Variants in POTEF observed in about 807,000 individuals in gnomAD.
POTEF encodes the protein ANKRD26-like family C member 1B.
A neutral mutation model predicts 83.2 loss-of-function variants in POTEF; 20 were observed. That is an observed-to-expected ratio of 0.24 (90% CI 0.17 to 0.35). The LOEUF is 0.35. Ranked by LOEUF, POTEF falls within the 10% of genes least tolerant of loss-of-function variation. POTEF has a pLI of 1.00. For synonymous variants in POTEF, 196 were observed against 446.4 expected, an observed-to-expected ratio of 0.44 and a Z score of 7.07; for missense variants, 550 against 1,203.2, an observed-to-expected ratio of 0.46 and a Z score of 8.03.
intron 5 of POTEF, among the ~76,000 whole-genome samples, chr2:130,113,033 T>G (rs541799453): frequency 6.6e-6 from 1 of 150,658 alleles, no homozygotes; most frequent in African/African-American, 2.5e-5. Flanking sequence ...TATTATTCTG[T>G]AAGCTGATAC....
intron 3 of POTEF, among the ~76,000 whole-genome samples, chr2:130,115,621 TCA>T (rs1491373635): frequency 6.6e-6 from 1 of 152,182 alleles, no homozygotes; most frequent in Admixed American, 6.5e-5. Context: ...TTTTGGGGTC[TCA>T]GTTTCCTCAT....
intron 8 of POTEF, among the ~76,000 whole-genome samples, chr2:130,106,094 T>C (rs923918614): frequency 1.3e-5 from 2 of 150,926 alleles, no homozygotes; most frequent in Non-Finnish European, 2.9e-5. Flanking sequence ...GAACAAGATG[T>C]TTGGAGCTGC....
intron 1 of POTEF, among the ~76,000 whole-genome samples, chr2:130,128,266 T>C (rs897749008): frequency 6.6e-6 from 1 of 150,684 alleles, no homozygotes; most frequent in African/African-American, 2.5e-5. Flanking sequence ...GAGCATGGGG[T>C]GTGGGCGGGA....
At chr2:130,104,383 T>C (rs2104805103) in intron 8 of POTEF, among the ~76,000 whole-genome samples, 1 of 145,940 alleles carries the variant, frequency 6.9e-6, no homozygotes, top group East Asian at 2.0e-4. Context: ...ATTCTAACTA[T>C]AATCCTGGTA....
At chr2:130,127,324 C>CA (rs57173649) in intron 2 of POTEF, among the ~76,000 whole-genome samples, 2,804 of 12,444 alleles carry the variant, frequency 0.23, 1,146 homozygotes, top group East Asian at 0.32. Flanking sequence ...GACTCTGTCT[C>CA]AAAAAAAAAA....
In POTEF at chr2:130,120,116, G is replaced by C. The variant is rs1270385869; in HGVS notation, c.400C>G (p.His134Asp). 2 of 1,607,824 alleles carry C rather than the reference G, an allele frequency of 1.2e-6. No homozygotes were observed. The highest frequency in any genetic ancestry group is 1.7e-6 in the Non-Finnish European group (2 of 1,179,280). Residue 134 changes from histidine (H) to aspartate (D), a missense_variant, in exon 3 of 17, where the codon CAC becomes GAC. Physicochemically the swap from His to Asp is moderately conservative, Grantham distance 81 (BLOSUM62 -1). Transcript: ENST00000409914. ...DDSAFMEPRY[H>D]VRGEDLDKLH... ...TTGTCCAGATCTTCTCCACGGACGT[G>C]GTACCTGGGCTCCATGAAGGCACTG...
chr2:130,121,551 C>T (rs1168287452), intron 2 of POTEF, among the ~76,000 whole-genome samples: 2 of 68,418 alleles, frequency 2.9e-5, no homozygotes, highest in Non-Finnish European at 5.6e-5. Context: ...CTCTTTGCTC[C>T]GCACCCAGAA....
intron 3 of POTEF, among the ~76,000 whole-genome samples, chr2:130,119,720 G>C (rs1202954110): frequency 6.7e-6 from 1 of 148,966 alleles, no homozygotes; most frequent in African/African-American, 2.5e-5. Flanking sequence ...AAAATAATCT[G>C]CTGCATTGAC....
intron 8 of POTEF, among the ~76,000 whole-genome samples, chr2:130,103,679 G>C (rs1814431): frequency 1.9e-4 from 29 of 151,018 alleles, no homozygotes; most frequent in Non-Finnish European, 3.5e-4. Context: ...GGTTTAAAAA[G>C]AATTAAAATA....
chr2:130,104,532 G>C (rs1020055712), intron 8 of POTEF, among the ~76,000 whole-genome samples: 2 of 151,036 alleles, frequency 1.3e-5, no homozygotes, highest in African/African-American at 2.5e-5. Flanking sequence ...TTGGTTGCAG[G>C]CTGCAAGCGG....
At chr2:130,113,341 CAAAA>C (rs3030046) in intron 5 of POTEF, among the ~76,000 whole-genome samples, 2 of 80,970 alleles carry the variant, frequency 2.5e-5, no homozygotes, top group African/African-American at 5.1e-5. Context: ...GACCCCATCT[CAAAA>C]AAAAAAAAAA....
chr2:130,114,084 T>G (rs2104819848), intron 5 of POTEF, among the ~76,000 whole-genome samples: 1 of 151,974 alleles, frequency 6.6e-6, no homozygotes, highest in Admixed American at 6.5e-5. Context: ...CTAAGTCAGT[T>G]AATTACTTGA....
intron 2 of POTEF, among the ~76,000 whole-genome samples, chr2:130,123,198 T>C: frequency 7.0e-6 from 1 of 142,452 alleles, no homozygotes; most frequent in Non-Finnish European, 1.5e-5. Context: ...CAAAACAATT[T>C]CAAACACACT....
At chr2:130,125,804 G>A (rs530168880) in intron 2 of POTEF, among the ~76,000 whole-genome samples, 301 of 151,520 alleles carry the variant, frequency 2.0e-3, no homozygotes, top group African/African-American at 6.8e-3. Flanking sequence ...TACTCAGGGG[G>A]CCAAGGCAGG....
intron 8 of POTEF, among the ~76,000 whole-genome samples, chr2:130,105,832 T>C (rs541161499): frequency 6.8e-6 from 1 of 147,600 alleles, no homozygotes; most frequent in South Asian, 2.2e-4. Flanking sequence ...CCATTCCTTA[T>C]TCTTTCTTGA....
At chr2:130,122,672 G>A (rs1685024073) in intron 2 of POTEF, among the ~76,000 whole-genome samples, 1 of 150,798 alleles carries the variant, frequency 6.6e-6, no homozygotes, top group Admixed American at 6.6e-5. Flanking sequence ...ATTGATATAG[G>A]ACTTTTTCTA....
At chr2:130,117,372 AT>A (rs1271524816) in intron 3 of POTEF, among the ~76,000 whole-genome samples, 2 of 152,068 alleles carry the variant, frequency 1.3e-5, no homozygotes, top group African/African-American at 4.8e-5. Context: ...CAAGAAGCAT[AT>A]TCCTTCTCTT....
chr2:130,121,119 C>CGTGCGCGT, intron 2 of POTEF, among the ~76,000 whole-genome samples: 1 of 151,430 alleles, frequency 6.6e-6, no homozygotes, highest in South Asian at 2.1e-4. Context: ...GGCGTGTGCG[C>CGTGCGCGT]GCGGCGTGCG....
chr2:130,124,983 A>C (rs1377335546), intron 2 of POTEF, among the ~76,000 whole-genome samples: 1 of 151,444 alleles, frequency 6.6e-6, no homozygotes, highest in East Asian at 1.9e-4. Flanking sequence ...TCTCTTAAAT[A>C]ATTTTGCCAC....
Sources: allele counts gnomAD v4.1 joint callset (sites outside exome capture counted in the v4.1 genomes callset), GRCh38; gene constraint gnomAD v4.1.1; transcripts MANE v1.5; gene names NCBI Gene and HGNC (gene_info 2026-07-23, HGNC 2026-07-21).